The following NRN1 variants were observed in gnomAD, a reference collection of about 807,000 sequenced individuals.
NRN1 encodes neuritin 1.
In NRN1, 4 loss-of-function variants were observed where a neutral mutation model predicts 15.0. The ratio of observed to expected loss-of-function variants is 0.27; its 90% CI spans 0.13 to 0.61. The LOEUF (loss-of-function observed/expected upper bound fraction) is 0.61. Among genes scored for constraint, NRN1 ranks in the 20% least tolerant of loss-of-function variants. The probability of loss-of-function intolerance (pLI) is 0.87; values close to 1 mark genes in which losing one functional copy is unlikely to be tolerated. For synonymous variants in NRN1, 85 were observed against 79.8 expected (o/e 1.07, Z -0.35); for missense variants, 134 against 181.9 (o/e 0.74, Z 1.51).
At chr6:5,999,490 G>A (rs935899460) in intron 2 of NRN1, among the ~76,000 whole-genome samples, 1 of 152,266 alleles carries the variant, frequency 6.6e-6, no homozygotes, top group Admixed American at 6.5e-5. Flanking sequence ...CCGGGAGCCG[G>A]GCCGTGCACC....
chr6:6,000,748 T>TTTTTTTTTTTTTTTTTTTTTTA (rs1554145373), intron 2 of NRN1, among the ~76,000 whole-genome samples: 1 of 99,132 alleles, frequency 1.0e-5, no homozygotes, highest in Non-Finnish European at 2.0e-5. Context: ...TTTTTTTTTT[T>TTTTTTTTTTTTTTTTTTTTTTA]ATGTACGCCC....
Position 5,999,058 on chromosome 6 carries a change from C to G in NRN1, c.347G>C (p.Gly116Ala), listed in dbSNP as rs1757854702. 1.2e-6 allele frequency: 2 copies of G among 1,613,956 alleles called. No individual in the cohort carries two copies. Among genetic ancestry groups the G allele is most frequent in the Admixed American group, 1.7e-5 (1 of 60,010 alleles). The change falls in exon 3 of 3, where the codon GGG (glycine) becomes GCG (alanine). Residue 116 changes from glycine (G) to alanine (A), a missense_variant. Physicochemically the swap from Gly to Ala is moderately conservative, Grantham distance 60. Transcript: ENST00000244766. ...SLFELCGSGN[G>A]AAGSLLPAFP... ...CGCCGGGAGCAGGGACCCCGCCGCC[C>G]CGTTGCCGCTGCCGCAGAGTTCGAA...
chr6:6,001,756 T>C (rs1757952502), intron 2 of NRN1, among the ~76,000 whole-genome samples: 1 of 152,226 alleles, frequency 6.6e-6, no homozygotes, highest in Non-Finnish European at 1.5e-5. Context: ...TCGGCCTGTC[T>C]CCTAGAAAAC....
chr6:6,003,920 G>A, intron 1 of NRN1: 7 of 1,229,288 alleles, frequency 5.7e-6, no homozygotes, highest in Non-Finnish European at 7.1e-6. Context: ...CAGCTTTCTG[G>A]CGGCTGCGCT....
At chr6:6,007,099 A>G (rs561247013), upstream of NRN1, 1 of 256,764 alleles carries the variant, frequency 3.9e-6, no homozygotes, top group African/African-American at 2.3e-5. Flanking sequence ...TTGGTAGAGA[A>G]TCGCCATTTA....
Position 6,006,897 on chromosome 6 carries a change from G to T in NRN1, c.-148C>A. Reference sequence around the variant, plus strand: ...TGGGAAGGCAGAGGGAGGAGAGAAAGAGAGGGAGCGAGGAAGAGACAGAAA... The same window carrying T: ...TGGGAAGGCAGAGGGAGGAGAGAAATAGAGGGAGCGAGGAAGAGACAGAAA... On this transcript the variant is annotated 5_prime_UTR_variant, in exon 1 of 3. Coordinates refer to ENST00000244766, the MANE Select transcript of NRN1 (RefSeq NM_016588.3). The T allele has an allele frequency of 1.9e-6, 1 of 513,160 alleles. No individual in the cohort carries two copies. The highest frequency in any genetic ancestry group is 2.6e-5 in the Admixed American group (1 of 39,188). The allele number at this position is 513,160 out of a possible 1,614,324, so 31.8% of individuals were successfully genotyped here.
intron 1 of NRN1, chr6:6,003,924 C>T: frequency 8.1e-7 from 1 of 1,228,972 alleles, no homozygotes; most frequent in South Asian, 4.3e-5. Flanking sequence ...TTTCTGGCGG[C>T]TGCGCTTGTG....
rs1554145373 is a variant in NRN1, at chr6:6,000,748, T to TTTTTTTTTTTTTTTTTTTA, written c.201-1545_201-1544insTAAAAAAAAAAAAAAAAAA. On this transcript the variant is annotated intron_variant, in intron 2 of 2. Transcript: ENST00000244766. ...TTTTTTTTTTTTTTTTTTTTTTTTT[T>TTTTTTTTTTTTTTTTTTTA]ATGTACGCCCAGATGAGGGCAGAGT... Among the ~76,000 whole-genome samples, 41 of 99,098 alleles carry TTTTTTTTTTTTTTTTTTTA rather than the reference T, an allele frequency of 4.1e-4. 8 individuals are homozygous for TTTTTTTTTTTTTTTTTTTA. Among genetic ancestry groups the TTTTTTTTTTTTTTTTTTTA allele is most frequent in the Non-Finnish European group, 6.6e-4 (33 of 50,028 alleles). 65.0% of individuals were successfully genotyped at this position (99,098 alleles called of 152,430 possible). A position where few individuals can be genotyped will look rare whatever the true frequency, so the allele number is the denominator to read the frequency against.
intron 2 of NRN1, 121 bp from the exon 3 acceptor site, chr6:5,999,325 C>T: frequency 2.6e-6 from 2 of 774,762 alleles, no homozygotes; most frequent in South Asian, 3.2e-5. Flanking sequence ...GTGTCCCCTC[C>T]CTACCTTCTC....
At chr6:6,003,957 C>A in intron 1 of NRN1, 10 of 1,225,142 alleles carry the variant, frequency 8.2e-6, no homozygotes, top group South Asian at 4.3e-5. Flanking sequence ...CCGGGAGGAC[C>A]GGACACCTCA....
upstream of NRN1, chr6:6,007,432 T>C (rs1758138678): frequency 6.6e-6 from 1 of 152,400 alleles, no homozygotes; most frequent in Non-Finnish European, 1.5e-5. Flanking sequence ...ACAGCTAAGC[T>C]AGCTCGATTA....
At chr6:6,004,664 C>T (rs889917866) in intron 1 of NRN1, among the ~76,000 whole-genome samples, 33 of 152,278 alleles carry the variant, frequency 2.2e-4, no homozygotes, top group African/African-American at 5.8e-4. Context: ...TCTGGGAGGC[C>T]GGGAGGCTGC....
At chr6:6,006,574 G>A in intron 1 of NRN1, 121 bp downstream of exon 1, 1 of 856,314 alleles carries the variant, frequency 1.2e-6, no homozygotes, top group Non-Finnish European at 2.0e-6. Context: ...CCACCCTCGG[G>A]GGATTGCCGG....
At chr6:6,000,279 C>T (rs114224069) in intron 2 of NRN1, among the ~76,000 whole-genome samples, 3,402 of 152,316 alleles carry the variant, frequency 0.022, 75 homozygotes, top group Non-Finnish European at 0.032. Context: ...GACCCACCCC[C>T]ACAACCTTCA....
chr6:6,005,828 C>T (rs1414307199), intron 1 of NRN1, among the ~76,000 whole-genome samples: 3 of 152,188 alleles, frequency 2.0e-5, no homozygotes, highest in African/African-American at 7.2e-5. Flanking sequence ...ATCTTTTCTT[C>T]ATTCTGGATG....
chr6:6,000,989 C>A (rs1368243317), intron 2 of NRN1, among the ~76,000 whole-genome samples: 2 of 152,116 alleles, frequency 1.3e-5, no homozygotes, highest in East Asian at 3.8e-4. Flanking sequence ...CACCAAATGA[C>A]AGAGGATTTG....
intron 2 of NRN1, among the ~76,000 whole-genome samples, chr6:6,002,010 C>A (rs1258964443): frequency 6.6e-6 from 1 of 152,254 alleles, no homozygotes; most frequent in Non-Finnish European, 1.5e-5. Flanking sequence ...TCTTGCAGCA[C>A]CAAGATTTTG....
At chr6:6,003,276 G>C in intron 1 of NRN1, 2 of 1,234,170 alleles carry the variant, frequency 1.6e-6, no homozygotes, top group Non-Finnish European at 2.0e-6. Flanking sequence ...TGAGTGGTCT[G>C]GAGAGGAGAA....
chr6:6,006,758 T>C lies in NRN1; in HGVS notation c.-9A>G. 6.2e-7 allele frequency: 1 copy of C among 1,614,026 alleles called. No homozygotes were observed. Among genetic ancestry groups the C allele is most frequent in the Non-Finnish European group, 8.5e-7 (1 of 1,179,882 alleles). ...TTCAACTTAAGTCCCATCCTACGTT[T>C]AGTCAAACCATTTGCGACCGCAGAC... On this transcript the variant is annotated 5_prime_UTR_variant, in exon 1 of 3. Coordinates refer to ENST00000244766, the MANE Select transcript of NRN1 (RefSeq NM_016588.3).
Sources: allele counts gnomAD v4.1 joint callset (sites outside exome capture counted in the v4.1 genomes callset), GRCh38; gene constraint gnomAD v4.1.1; transcripts MANE v1.5; gene names NCBI Gene and HGNC (gene_info 2026-07-23, HGNC 2026-07-21).